The following RNGTT variants were observed in gnomAD, a reference collection of about 807,000 sequenced individuals.
The protein encoded by RNGTT is RNA guanylyltransferase and 5'-phosphatase.
A neutral mutation model predicts 79.3 loss-of-function variants in RNGTT; 33 were observed. That is an observed-to-expected ratio of 0.42 (90% confidence interval 0.32 to 0.56). RNGTT has a LOEUF of 0.56. RNGTT is among the 20% of genes least tolerant of loss of function. The probability of loss-of-function intolerance (pLI) is 0.17; values close to 1 mark genes in which losing one functional copy is unlikely to be tolerated. For missense variants in RNGTT, 497 were observed against 739.1 expected (o/e 0.67, Z 3.80); for synonymous variants, 222 against 235.9 (o/e 0.94, Z 0.54).
chr6:88,803,720 C>T (rs900789814), intron 11 of RNGTT, among the ~76,000 whole-genome samples: 1 of 149,020 alleles, frequency 6.7e-6, no homozygotes, highest in Non-Finnish European at 1.5e-5. Context: ...ATTTGCTCTA[C>T]TTGTATTGTA....
At chr6:88,907,608 G>C (rs186065333) in intron 4 of RNGTT, among the ~76,000 whole-genome samples, 1 of 152,040 alleles carries the variant, frequency 6.6e-6, no homozygotes, top group East Asian at 1.9e-4. Flanking sequence ...GAGAAGAGAC[G>C]AATATAACTA....
chr6:88,631,856 T>C (rs1338527394), intron 14 of RNGTT, among the ~76,000 whole-genome samples: 1 of 152,086 alleles, frequency 6.6e-6, no homozygotes, highest in East Asian at 1.9e-4. Context: ...GAAACACTTC[T>C]CTGAGTTAGT....
In RNGTT at chr6:88,658,742, G is replaced by A. The variant is rs543937302; in HGVS notation, c.1506+19611C>T. Among the ~76,000 whole-genome samples the A allele has an allele frequency of 7.0e-4, 107 of 152,334 alleles. 1 individual carries two copies. The South Asian group carries it at 0.013, about 19-fold the overall frequency. On this transcript the variant is annotated intron_variant, in intron 14 of 15. Coordinates refer to ENST00000369485, the MANE Select transcript of RNGTT (RefSeq NM_003800.5). ...CACAACCAGAATAAAAGCAGGCAGA[G>A]GAACATGGAAAGACTAGACAGGCTA...
At chr6:88,618,886 A>C (rs1359233645) in intron 14 of RNGTT, among the ~76,000 whole-genome samples, 1 of 152,182 alleles carries the variant, frequency 6.6e-6, no homozygotes, top group African/African-American at 2.4e-5. Flanking sequence ...CGGTGTTCTA[A>C]TGGGATTTTT....
chr6:88,929,947 TACACAC>T (rs1314415406), intron 2 of RNGTT, among the ~76,000 whole-genome samples: 214 of 149,948 alleles, frequency 1.4e-3, no homozygotes, highest in African/African-American at 5.1e-3. Flanking sequence ...CATATGCATA[TACACAC>T]GTATATACAT....
At chr6:88,723,047 T>A (rs931751517) in intron 13 of RNGTT, among the ~76,000 whole-genome samples, 1 of 152,234 alleles carries the variant, frequency 6.6e-6, no homozygotes, top group African/African-American at 2.4e-5. Context: ...GTATTCCTTC[T>A]ACTTATTTAA....
rs866808245 is a variant in RNGTT, at chr6:88,853,706, C to A, written c.955G>T (p.Val319Leu). The A allele has an allele frequency of 1.3e-6, 2 of 1,581,762 alleles. No individual in the cohort carries two copies. Among genetic ancestry groups the A allele is most frequent in the Non-Finnish European group, 1.7e-6 (2 of 1,155,824 alleles). The part of the protein sequence containing the change: ...EVFMIDRDNS[V>L]FHVSNLEFPF... Reference sequence around the variant, plus strand: ...AATTCCAGATTTGAAACATGAAATACTGAATTGTCTCTATCAATCATAAAA... The same window carrying A: ...AATTCCAGATTTGAAACATGAAATAATGAATTGTCTCTATCAATCATAAAA... Residue 319 changes from valine to leucine, a missense_variant, in exon 9 of 16, where the codon GTA (valine) becomes TTA (leucine). Val to Leu is a conservative substitution (Grantham distance 32). Coordinates refer to ENST00000369485, the MANE Select transcript of RNGTT (RefSeq NM_003800.5).
chr6:88,672,549 C>CCATT (rs1774694497), intron 14 of RNGTT, among the ~76,000 whole-genome samples: 1 of 152,002 alleles, frequency 6.6e-6, no homozygotes, highest in African/African-American at 2.4e-5. Flanking sequence ...TCTGGGGACT[C>CCATT]AGGGGGAAGT....
At chr6:88,696,890 A>G (rs763950857) in intron 13 of RNGTT, among the ~76,000 whole-genome samples, 3 of 152,214 alleles carry the variant, frequency 2.0e-5, no homozygotes, top group Non-Finnish European at 4.4e-5. Context: ...AAACAGAGAA[A>G]TTTAAGCTGA....
intron 14 of RNGTT, among the ~76,000 whole-genome samples, chr6:88,624,253 T>C (rs952619274): frequency 6.6e-6 from 1 of 151,920 alleles, no homozygotes; most frequent in African/African-American, 2.4e-5. Flanking sequence ...CTGATTTATG[T>C]GGAAAGCCAA....
chr6:88,645,535 T>C (rs572207818), intron 14 of RNGTT, among the ~76,000 whole-genome samples: 5 of 152,278 alleles, frequency 3.3e-5, no homozygotes, highest in East Asian at 1.9e-4. Context: ...AAAAAGAGCC[T>C]GCATTGTCAA....
At chr6:88,907,431 G>C (rs542503765) in intron 4 of RNGTT, among the ~76,000 whole-genome samples, 31 of 149,324 alleles carry the variant, frequency 2.1e-4, no homozygotes, top group African/African-American at 7.3e-4. Flanking sequence ...GTGTTTGACA[G>C]TTCCTCCTTC....
chr6:88,836,846 T>C (rs1403714998), intron 11 of RNGTT, among the ~76,000 whole-genome samples: 4 of 152,096 alleles, frequency 2.6e-5, no homozygotes, highest in Non-Finnish European at 5.9e-5. Context: ...GCTATCACAT[T>C]TTTAAAAATC....
Position 88,717,690 on chromosome 6 carries a change from G to A in RNGTT, c.1440-39271C>T, listed in dbSNP as rs1023913856. Among the ~76,000 whole-genome samples, 4 of 152,048 alleles carry A rather than the reference G, an allele frequency of 2.6e-5. 1 individual carries two copies. The highest frequency in any genetic ancestry group is 2.6e-4 in the Admixed American group (4 of 15,258). On this transcript the variant is annotated intron_variant, in intron 13 of 15. Coordinates refer to ENST00000369485, the MANE Select transcript of RNGTT (RefSeq NM_003800.5). Reference sequence around the variant, plus strand: ...ACGCCAATGGAGGAGACCCAGAAAAGAAAAGCCCCAAGAAAAGCATGCCCT... The same window carrying A: ...ACGCCAATGGAGGAGACCCAGAAAAAAAAAGCCCCAAGAAAAGCATGCCCT...
intron 10 of RNGTT, among the ~76,000 whole-genome samples, chr6:88,849,419 G>A (rs960156371): frequency 1.8e-4 from 27 of 151,810 alleles, no homozygotes; most frequent in Admixed American, 1.6e-3. Flanking sequence ...CTGTTTTGGT[G>A]ACAGAAATAA....
chr6:88,918,278 G>A (rs1784060922), intron 4 of RNGTT, among the ~76,000 whole-genome samples: 1 of 151,964 alleles, frequency 6.6e-6, no homozygotes, highest in African/African-American at 2.4e-5. Context: ...AGCTATGATT[G>A]CACCACTGCA....
intron 1 of RNGTT, among the ~76,000 whole-genome samples, chr6:88,949,158 T>TAAAAAAAAAAA (rs1491197999): frequency 5.6e-5 from 1 of 18,008 alleles, no homozygotes; most frequent in Non-Finnish European, 1.1e-4. Flanking sequence ...TAAAATAAAA[T>TAAAAAAAAAAA]GAAAAAAAAA....
At position 88,660,335 on chromosome 6, in the gene RNGTT, T is replaced by C. The variant is rs187265296; in HGVS notation, c.1506+18018A>G. On this transcript the variant is annotated intron_variant, in intron 14 of 15. Transcript: ENST00000369485. ...TAACATTGAATGTAAATGGCCAAAATGCTCCACTTAAAAGATACAGAATAG... is the reference window on the plus strand; with the variant it reads ...TAACATTGAATGTAAATGGCCAAAACGCTCCACTTAAAAGATACAGAATAG... 3.5e-3 allele frequency among the ~76,000 whole-genome samples: 531 copies of C among 152,162 alleles called. 3 individuals carry two copies. Among genetic ancestry groups the C allele is most frequent in the African/African-American group, 0.012 (502 of 41,492 alleles).
chr6:88,810,606 C>G (rs1161313960), intron 11 of RNGTT, among the ~76,000 whole-genome samples: 1 of 152,110 alleles, frequency 6.6e-6, no homozygotes, highest in African/African-American at 2.4e-5. Context: ...CTTGAAAAGT[C>G]AGGTTTTATT....
Sources: gnomAD v4.1 joint callset for allele counts (sites outside exome capture counted in the v4.1 genomes callset) on GRCh38, gnomAD v4.1.1 for gene constraint, MANE v1.5 for transcripts, NCBI Gene and HGNC (gene_info 2026-07-23, HGNC 2026-07-21) for gene names.